SERPINI2: variants seen among roughly 807,000 people sequenced by gnomAD.
SERPINI2 encodes the protein serpin I2.
SERPINI2 carries 48 observed loss-of-function variants against 47.3 expected under a neutral mutation model. The observed-to-expected ratio is 1.02, with a 90% confidence interval of 0.81 to 1.29. SERPINI2 has a LOEUF of 1.29. Among genes scored for constraint, SERPINI2 ranks in the 50% most tolerant of loss-of-function variants. The pLI, the probability that SERPINI2 is intolerant of heterozygous loss-of-function variation, is 0.00. For missense variants in SERPINI2, 448 were observed against 456.9 expected (o/e 0.98, Z 0.18); for synonymous variants, 135 against 149.3 (o/e 0.90, Z 0.70).
chr3:167,448,355 T>A (rs1452903879), intron 7 of SERPINI2, among the ~76,000 whole-genome samples: 3 of 152,230 alleles, frequency 2.0e-5, no homozygotes, highest in African/African-American at 7.2e-5. Flanking sequence ...ATGCACTACA[T>A]TTGTAATAAA....
At chr3:167,468,277 T>C (rs1750202930) in intron 2 of SERPINI2, among the ~76,000 whole-genome samples, 1 of 152,190 alleles carries the variant, frequency 6.6e-6, no homozygotes. Context: ...TAAGAGGGAC[T>C]TACTACTAGA....
At chr3:167,450,261 A>G (rs1025398701) in intron 6 of SERPINI2, among the ~76,000 whole-genome samples, 1 of 152,246 alleles carries the variant, frequency 6.6e-6, no homozygotes, top group African/African-American at 2.4e-5. Flanking sequence ...AATTTTCAGC[A>G]TAAGATCGTG....
intron 8 of SERPINI2, among the ~76,000 whole-genome samples, chr3:167,444,292 A>C (rs1002295164): frequency 6.6e-6 from 1 of 152,290 alleles, no homozygotes; most frequent in Non-Finnish European, 1.5e-5. Context: ...CTAGAAATTT[A>C]GCTTAGTAAG....
chr3:167,449,445 A>C (rs775246520), intron 6 of SERPINI2, 43 bp from the exon 7 acceptor site: 1 of 1,239,502 alleles, frequency 8.1e-7, no homozygotes, highest in Non-Finnish European at 1.2e-6. Flanking sequence ...AAGAGTTAAA[A>C]TCAAAAGCCG....
intron 6 of SERPINI2, among the ~76,000 whole-genome samples, chr3:167,450,311 G>T (rs1749606867): frequency 2.0e-5 from 3 of 152,190 alleles, no homozygotes; most frequent in Non-Finnish European, 4.4e-5. Context: ...TGAGCTGAGA[G>T]TGAATGCTCC....
chr3:167,462,518 C>A (rs1750013291), intron 5 of SERPINI2, among the ~76,000 whole-genome samples: 2 of 152,196 alleles, frequency 1.3e-5, no homozygotes, highest in Non-Finnish European at 2.9e-5. Context: ...TAGATGACAA[C>A]AGTCATGTTG....
At chr3:167,467,328 A>G in intron 2 of SERPINI2, 43 bp from the exon 3 acceptor site, 2 of 1,404,736 alleles carry the variant, frequency 1.4e-6, no homozygotes, top group Non-Finnish European at 2.0e-6. Context: ...TGAACAACAT[A>G]AAAACAACAG....
intron 6 of SERPINI2, among the ~76,000 whole-genome samples, chr3:167,452,124 C>G (rs966071854): frequency 1.3e-5 from 2 of 152,134 alleles, no homozygotes; most frequent in African/African-American, 4.8e-5. Flanking sequence ...AGCCCAGATA[C>G]CTATATAGAA....
intron 5 of SERPINI2, among the ~76,000 whole-genome samples, chr3:167,453,666 TGG>T (rs1560231717): frequency 2.9e-4 from 25 of 86,276 alleles, no homozygotes; most frequent in African/African-American, 1.5e-3. Flanking sequence ...TGGGGGGGGG[TGG>T]GCAAAAAAAA....
intron 6 of SERPINI2, 52 bp from the exon 7 acceptor site, chr3:167,449,454 C>T (rs776106764): frequency 1.6e-5 from 17 of 1,051,240 alleles, no homozygotes; most frequent in East Asian, 1.2e-4. Flanking sequence ...AATCAAAAGC[C>T]GTTACCTATT....
At chr3:167,449,449 A>G in intron 6 of SERPINI2, 47 bp from the exon 7 acceptor site, 4 of 1,158,144 alleles carry the variant, frequency 3.5e-6, no homozygotes, top group Non-Finnish European at 5.0e-6. Flanking sequence ...GTTAAAATCA[A>G]AAGCCGTTAC....
intron 5 of SERPINI2, among the ~76,000 whole-genome samples, chr3:167,460,938 C>A (rs1041126155): frequency 6.6e-6 from 1 of 152,078 alleles, no homozygotes; most frequent in African/African-American, 2.4e-5. Flanking sequence ...AACCCGCTGT[C>A]CCAGAAATCA....
chr3:167,465,799 T>A, intron 3 of SERPINI2, 126 bp from the exon 4 acceptor site: 1 of 683,384 alleles, frequency 1.5e-6, no homozygotes, highest in Non-Finnish European at 2.4e-6. Flanking sequence ...TGTTATCATC[T>A]AAATATGGTA....
At chr3:167,457,184 A>G (rs1749817850) in intron 5 of SERPINI2, among the ~76,000 whole-genome samples, 1 of 152,226 alleles carries the variant, frequency 6.6e-6, no homozygotes, top group South Asian at 2.1e-4. Context: ...AGTGCTTAAC[A>G]AGTTTAAAGG....
chr3:167,471,871 C>T, intron 1 of SERPINI2, 27 bp from the exon 2 acceptor site: 1 of 1,554,832 alleles, frequency 6.4e-7, no homozygotes. Flanking sequence ...AAAATATATT[C>T]ATTTTCAAAA....
chr3:167,468,685 C>T (rs1409210752), intron 2 of SERPINI2, among the ~76,000 whole-genome samples: 2 of 152,058 alleles, frequency 1.3e-5, no homozygotes, highest in African/African-American at 4.8e-5. Context: ...AAATTCCTTA[C>T]ATAAGGAAGG....
At chr3:167,452,415 C>T (rs1749667888) in intron 6 of SERPINI2, among the ~76,000 whole-genome samples, 1 of 152,176 alleles carries the variant, frequency 6.6e-6, no homozygotes, top group African/African-American at 2.4e-5. Flanking sequence ...ATAAGAGCTC[C>T]ATCTTATCTT....
chr3:167,475,461 G>A (rs1221665002), upstream of SERPINI2, among the ~76,000 whole-genome samples: 4 of 151,608 alleles, frequency 2.6e-5, no homozygotes, highest in Non-Finnish European at 4.4e-5. Flanking sequence ...CCTACCAATG[G>A]CAGAGACCGT....
intron 7 of SERPINI2, 125 bp downstream of exon 7, chr3:167,449,191 C>T: frequency 5.9e-6 from 4 of 682,184 alleles, no homozygotes; most frequent in Admixed American, 2.8e-5. Flanking sequence ...CCTTTTTTTC[C>T]TCCTGAAGTG....
Sources: allele counts gnomAD v4.1 joint callset (sites outside exome capture counted in the v4.1 genomes callset), GRCh38; gene constraint gnomAD v4.1.1; transcripts MANE v1.5; gene names NCBI Gene and HGNC (gene_info 2026-07-23, HGNC 2026-07-21).